CA12: variants seen among roughly 807,000 people sequenced by gnomAD.
CA12 encodes the protein carbonate dehydratase XII.
A neutral mutation model predicts 46.8 loss-of-function variants in CA12; 36 were observed. That is an observed-to-expected ratio of 0.77 (90% CI 0.59 to 1.02). CA12 has a LOEUF of 1.02. Ranked by LOEUF, CA12 falls within the 50% of genes least tolerant of loss-of-function variation. The pLI is 0.00. For synonymous variants in CA12, 202 were observed against 187.0 expected (o/e 1.08, Z -0.65); for missense variants, 436 against 451.4 (o/e 0.97, Z 0.31).
chr15:63,338,260 C>G (rs751314182), intron 8 of CA12, among the ~76,000 whole-genome samples: 42 of 152,210 alleles, frequency 2.8e-4, no homozygotes, highest in Non-Finnish European at 5.1e-4. Context: ...GGAGGTTAGA[C>G]AAAAATGCAG....
Position 63,340,687 on chromosome 15 carries a change from C to G in CA12, c.589+33G>C, listed in dbSNP as rs992320244. On this transcript the variant is annotated intron_variant, in intron 6 of 10. Coordinates refer to ENST00000178638, the MANE Select transcript of CA12 (RefSeq NM_001218.5). The surrounding 1 kb of genome is among the most constrained non-coding windows in gnomAD (Gnocchi z 4.4). ...CAGGGCTGACTACCTCCTTCTCCAG[C>G]AGAGAGTGAATATGCATGCAAGGAC... The G allele has an allele frequency of 1.2e-6, 2 of 1,602,814 alleles. No individual in the cohort carries two copies.
rs2039547257 is a variant in CA12 at position 63,374,545 on chromosome 15, T to C, written c.106+1113A>G. ...TCTATTACCCACCCACTTAGCAATG[T>C]GCTGTGCACATAATCAGTACATAAG... is the stretch of plus-strand genomic sequence containing the variant. On this transcript the variant is annotated intron_variant, in intron 2 of 10. Coordinates refer to ENST00000178638, the MANE Select transcript of CA12 (RefSeq NM_001218.5). This position sits in a 1 kb window ranked among gnomAD's most constrained non-coding sequence, Gnocchi z 4.4. 1.3e-5 allele frequency among the ~76,000 whole-genome samples: 2 copies of C among 152,256 alleles called. No homozygotes were observed. The highest frequency in any genetic ancestry group is 4.8e-5 in the African/African-American group (2 of 41,476).
At chr15:63,350,079 G>C (rs1284368570) in intron 2 of CA12, among the ~76,000 whole-genome samples, 1 of 152,184 alleles carries the variant, frequency 6.6e-6, no homozygotes, top group East Asian at 1.9e-4. Context: ...CCTGTAGCCT[G>C]GGAGACGGCC....
In CA12 at chr15:63,340,617, CACAG is replaced by C; in HGVS notation, c.589+99_589+102del. 7.1e-7 allele frequency: 1 copy of C among 1,414,996 alleles called. No individual in the cohort carries two copies. Among genetic ancestry groups the C allele is most frequent in the Admixed American group, 1.7e-5 (1 of 59,598 alleles). The allele number at this position is 1,414,996 out of a possible 1,614,324, so 87.7% of individuals were successfully genotyped here. ...AACCTGCTGCTCTTAACCTGGTGAA[CACAG>C]ACAGCACCTGCCCCTTGTGTTTGCT... On this transcript the variant is annotated intron_variant, in intron 6 of 10. Transcript: ENST00000178638. This position sits in a 1 kb window ranked among gnomAD's most constrained non-coding sequence, Gnocchi z 4.4.
chr15:63,333,912 C>T (rs956540734), intron 8 of CA12, among the ~76,000 whole-genome samples: 5 of 152,184 alleles, frequency 3.3e-5, no homozygotes, highest in African/African-American at 4.8e-5. Context: ...CTCAAGTTTC[C>T]ATGGCCCTGA....
At chr15:63,381,607 G>A (rs1208902864) in intron 1 of CA12, 29 bp downstream of exon 1, 14 of 1,590,970 alleles carry the variant, frequency 8.8e-6, no homozygotes, top group African/African-American at 1.3e-5. Context: ...GCTCAGGAGT[G>A]TTAGGAAAGA....
chr15:63,340,365 AC>A lies in CA12; in HGVS notation c.669del (p.Ser224ProfsTer2). 1 of 1,613,834 alleles carries A rather than the reference AC, an allele frequency of 6.2e-7. No individual in the cohort carries two copies. The highest frequency in any genetic ancestry group is 8.5e-7 in the Non-Finnish European group (1 of 1,179,952). ...ERTAEYYRYR[G>X]SLTTPPCNPT... ...GGGTTGCAAGGGGGTGTGGTCAGGG[AC>A]CCCCGGTAGCGGTAATATTCAGCGG... On this transcript the variant is annotated frameshift_variant, in exon 7 of 11. Coordinates refer to ENST00000178638, the MANE Select transcript of CA12 (RefSeq NM_001218.5). LOFTEE classifies it high-confidence loss of function. The surrounding 1 kb of genome is among the most constrained non-coding windows in gnomAD (Gnocchi z 4.4).
rs757777197 is a variant in CA12, at chr15:63,345,651, C to T, written c.287-32G>A. On this transcript the variant is annotated intron_variant, in intron 3 of 10. Transcript: ENST00000178638. This position sits in a 1 kb window ranked among gnomAD's most constrained non-coding sequence, Gnocchi z 4.3. ...GGAGTGGAGGAGCAGCCTTCAGAGC[C>T]CCGGCCAGCTGTGCACTGCCAGAGA... The T allele has an allele frequency of 1.2e-6, 2 of 1,603,186 alleles. No individual in the cohort carries two copies. Among genetic ancestry groups the T allele is most frequent in the Middle Eastern group, 1.7e-4 (1 of 5,870 alleles).
In CA12 at chr15:63,345,776, T is replaced by C. The variant is rs1325433806; in HGVS notation, c.287-157A>G. On this transcript the variant is annotated intron_variant, in intron 3 of 10. Coordinates refer to ENST00000178638, the MANE Select transcript of CA12 (RefSeq NM_001218.5). The surrounding 1 kb of genome is among the most constrained non-coding windows in gnomAD (Gnocchi z 4.3). ...TGAGGTGCGGAGCAGAGATGCAGCC[T>C]AAAGGTCAGACACCTGGGCTCTTTC... Among the ~76,000 whole-genome samples, 1 of 152,160 alleles carries C rather than the reference T, an allele frequency of 6.6e-6. No individual in the cohort carries two copies. Among genetic ancestry groups the C allele is most frequent in the Non-Finnish European group, 1.5e-5 (1 of 68,016 alleles).
In CA12 at chr15:63,373,646, C is replaced by G. The variant is rs1339313645; in HGVS notation, c.106+2012G>C. Among the ~76,000 whole-genome samples the G allele has an allele frequency of 6.6e-6, 1 of 152,180 alleles. No homozygotes were observed. Among genetic ancestry groups the G allele is most frequent in the Non-Finnish European group, 1.5e-5 (1 of 68,032 alleles). On this transcript the variant is annotated intron_variant, in intron 2 of 10. Coordinates refer to ENST00000178638, the MANE Select transcript of CA12 (RefSeq NM_001218.5). This position sits in a 1 kb window ranked among gnomAD's most constrained non-coding sequence, Gnocchi z 4.9. ...AGAATACAGGTTTTTCAGGCTCCCTCCCTTTCCCAGGTCTAGCCCAAGGCC... is the reference window on the plus strand; with the variant it reads ...AGAATACAGGTTTTTCAGGCTCCCTGCCTTTCCCAGGTCTAGCCCAAGGCC...
chr15:63,361,518 C>T (rs2039363598), intron 2 of CA12, among the ~76,000 whole-genome samples: 1 of 152,230 alleles, frequency 6.6e-6, no homozygotes, highest in South Asian at 2.1e-4. Flanking sequence ...TGCTAAGGAT[C>T]CTGCAATGTG....
In CA12 at chr15:63,345,757, G is replaced by A; in HGVS notation, c.287-138C>T. The A allele has an allele frequency of 1.7e-6, 2 of 1,145,082 alleles. No individual in the cohort carries two copies. 70.9% of individuals were successfully genotyped at this position (1,145,082 alleles called of 1,614,324 possible). ...GAGAGGCAGGTGGATGGAGTGAGGTGCGGAGCAGAGATGCAGCCTAAAGGT... is the reference window on the plus strand; with the variant it reads ...GAGAGGCAGGTGGATGGAGTGAGGTACGGAGCAGAGATGCAGCCTAAAGGT... On this transcript the variant is annotated intron_variant, in intron 3 of 10. Coordinates refer to ENST00000178638, the MANE Select transcript of CA12 (RefSeq NM_001218.5). This position sits in a 1 kb window ranked among gnomAD's most constrained non-coding sequence, Gnocchi z 4.3.
At position 63,345,714 on chromosome 15, in the gene CA12, C is replaced by T. The variant is rs2039138513; in HGVS notation, c.287-95G>A. ...GCAATGCTCCCTCCACCCCTGCTGCCACCCCCTGGAGCCCAGAGAGAGGCA... is the reference window on the plus strand; with the variant it reads ...GCAATGCTCCCTCCACCCCTGCTGCTACCCCCTGGAGCCCAGAGAGAGGCA... On this transcript the variant is annotated intron_variant, in intron 3 of 10. Transcript: ENST00000178638. This position sits in a 1 kb window ranked among gnomAD's most constrained non-coding sequence, Gnocchi z 4.3. 2.0e-6 allele frequency: 3 copies of T among 1,483,986 alleles called. No individual in the cohort carries two copies. In the African/African-American group the frequency reaches 4.2e-5, roughly 21 times the overall value. The allele number at this position is 1,483,986 out of a possible 1,614,324, so 91.9% of individuals were successfully genotyped here. A position where few individuals can be genotyped will look rare whatever the true frequency, so the allele number is the denominator to read the frequency against.
chr15:63,335,036 G>A (rs753756924), intron 8 of CA12, among the ~76,000 whole-genome samples: 6 of 152,164 alleles, frequency 3.9e-5, no homozygotes, highest in Admixed American at 1.3e-4. Flanking sequence ...GTTCTGGGCC[G>A]CAGAAACCCT....
intron 2 of CA12, among the ~76,000 whole-genome samples, chr15:63,358,649 G>A (rs893550890): frequency 2.0e-5 from 3 of 152,150 alleles, no homozygotes; most frequent in African/African-American, 4.8e-5. Context: ...ACAGCAGGCC[G>A]GGGGAAATCG....
intron 1 of CA12, among the ~76,000 whole-genome samples, chr15:63,380,520 T>A (rs2039631444): frequency 6.6e-6 from 1 of 152,224 alleles, no homozygotes. Context: ...ATGTAAAGTT[T>A]GTGGTTTTAA....
rs1217934108 is a variant in CA12 at position 63,328,274 on chromosome 15, C to T, written c.875-144G>A. On this transcript the variant is annotated intron_variant, in intron 8 of 10. Transcript: ENST00000178638. The surrounding 1 kb of genome is among the most constrained non-coding windows in gnomAD (Gnocchi z 5.9). Reference sequence around the variant, plus strand: ...TGTCCACCCTTGGCTCAGGGATTGCCTGATGAAGTACAGGAAATTGCCCAT... The same window carrying T: ...TGTCCACCCTTGGCTCAGGGATTGCTTGATGAAGTACAGGAAATTGCCCAT... 1.3e-6 allele frequency: 1 copy of T among 749,116 alleles called. No individual in the cohort carries two copies. The highest frequency in any genetic ancestry group is 2.4e-6 in the Non-Finnish European group (1 of 419,424). 46.4% of individuals were successfully genotyped at this position (749,116 alleles called of 1,614,324 possible).
At chr15:63,377,483 T>C (rs557259914) in intron 1 of CA12, among the ~76,000 whole-genome samples, 1 of 137,014 alleles carries the variant, frequency 7.3e-6, no homozygotes, top group African/African-American at 3.3e-5. Context: ...TTGGCTTTTT[T>C]TTTAAAAAAA....
In CA12 at chr15:63,326,043, A is replaced by G; in HGVS notation, c.*242T>C. ...CCACTTCACAATCTCACACAGTTAC[A>G]GCAAGCAGCTTTGAATTCCTGCTGC... On this transcript the variant is annotated 3_prime_UTR_variant, in exon 11 of 11. Transcript: ENST00000178638. The G allele has an allele frequency of 1.8e-6, 1 of 541,286 alleles. No homozygotes were observed. Among genetic ancestry groups the G allele is most frequent in the Non-Finnish European group, 3.4e-6 (1 of 297,690 alleles). 33.5% of individuals were successfully genotyped at this position (541,286 alleles called of 1,614,324 possible). A position where few individuals can be genotyped will look rare whatever the true frequency, so the allele number is the denominator to read the frequency against.
Sources: gnomAD v4.1 joint callset for allele counts (sites outside exome capture counted in the v4.1 genomes callset) on GRCh38, gnomAD v4.1.1 for gene constraint, Gnocchi (gnomAD v3.1) non-coding constraint, MANE v1.5 for transcripts, NCBI Gene and HGNC (gene_info 2026-07-23, HGNC 2026-07-21) for gene names.